PIBF1: variants seen among roughly 807,000 people sequenced by gnomAD.
The protein encoded by PIBF1 is progesterone immunomodulatory binding factor 1.
Under a neutral mutation model 112.5 loss-of-function variants are expected in PIBF1, and 90 were observed. The observed-to-expected ratio is 0.80, with a 90% CI of 0.67 to 0.95. The LOEUF is 0.95. Ranked by LOEUF, PIBF1 falls within the 40% of genes least tolerant of loss-of-function variation. PIBF1 has a pLI of 0.00. For missense variants in PIBF1, 915 were observed against 852.3 expected (o/e 1.07, Z -0.92); for synonymous variants, 301 against 288.6 (o/e 1.04, Z -0.44).
Position 72,999,981 on chromosome 13 carries a change from TGTC to T in PIBF1, c.2223+988_2223+990del, listed in dbSNP as rs557336677. ...CTACTTGGGAGACAGGCAGGAGAAT[TGTC>T]GGTGCGATGGCACCACTGCATTCAC... is the stretch of plus-strand genomic sequence containing the variant. On this transcript the variant is annotated intron_variant, in intron 17 of 17. Coordinates refer to ENST00000326291, the MANE Select transcript of PIBF1 (RefSeq NM_006346.4). 9.5e-4 allele frequency among the ~76,000 whole-genome samples: 144 copies of T among 152,304 alleles called. 1 individual carries two copies. The highest frequency in any genetic ancestry group is 1.6e-3 in the Non-Finnish European group (109 of 68,032).
At chr13:72,808,101 T>C (rs1438434469) in intron 5 of PIBF1, among the ~76,000 whole-genome samples, 1 of 152,216 alleles carries the variant, frequency 6.6e-6, no homozygotes. Context: ...TCAGAGACTT[T>C]ACAAACAAAG....
At chr13:72,968,363 C>T (rs1376134989) in intron 15 of PIBF1, among the ~76,000 whole-genome samples, 5 of 151,356 alleles carry the variant, frequency 3.3e-5, no homozygotes, top group Non-Finnish European at 2.9e-5. Context: ...TGCAATGGCG[C>T]GATCTCGGCT....
At chr13:72,864,666 C>T (rs557545589) in intron 10 of PIBF1, among the ~76,000 whole-genome samples, 2 of 151,876 alleles carry the variant, frequency 1.3e-5, no homozygotes, top group South Asian at 2.1e-4. Flanking sequence ...CAAAAAAAGA[C>T]GTATGAAAAA....
chr13:72,815,201 T>A (rs1338068941), intron 5 of PIBF1, among the ~76,000 whole-genome samples: 3 of 152,230 alleles, frequency 2.0e-5, no homozygotes, highest in Non-Finnish European at 4.4e-5. Context: ...AAATGTTAAA[T>A]GAATTTTACC....
intron 17 of PIBF1, 31 bp downstream of exon 17, chr13:72,999,026 A>G (rs780292313): frequency 1.5e-6 from 2 of 1,356,158 alleles, no homozygotes; most frequent in Non-Finnish European, 2.1e-6. Flanking sequence ...TCATAATTTT[A>G]ATATTCCTGA....
At chr13:73,006,246 G>C (rs1254884203) in intron 17 of PIBF1, among the ~76,000 whole-genome samples, 1 of 152,032 alleles carries the variant, frequency 6.6e-6, no homozygotes, top group Non-Finnish European at 1.5e-5. Context: ...GTTGAATGTA[G>C]ACTCATCTCA....
chr13:72,949,605 C>T (rs991720762), intron 14 of PIBF1, among the ~76,000 whole-genome samples: 1 of 152,148 alleles, frequency 6.6e-6, no homozygotes, highest in South Asian at 2.1e-4. Context: ...GCGTGAGCCA[C>T]GGCACCCAGC....
At chr13:72,812,421 A>G (rs1052031975) in intron 5 of PIBF1, among the ~76,000 whole-genome samples, 2 of 152,088 alleles carry the variant, frequency 1.3e-5, no homozygotes, top group African/African-American at 4.8e-5. Context: ...AGCACCACAG[A>G]TCACAGTTTA....
intron 14 of PIBF1, among the ~76,000 whole-genome samples, chr13:72,955,572 A>G (rs1463293879): frequency 3.3e-5 from 5 of 152,098 alleles, no homozygotes; most frequent in South Asian, 2.1e-4. Flanking sequence ...TTTCAGAGCT[A>G]TTTGAAAATC....
chr13:73,010,251 A>G (rs1429702529), intron 17 of PIBF1, among the ~76,000 whole-genome samples: 4 of 80,866 alleles, frequency 4.9e-5, no homozygotes, highest in Non-Finnish European at 9.9e-5. Context: ...TTTTTTTTCT[A>G]AATTCTGTTC....
rs988342593 is a variant in PIBF1 at position 72,968,955 on chromosome 13, G to A, written c.1964+3551G>A. On this transcript the variant is annotated intron_variant, in intron 15 of 17. Coordinates refer to ENST00000326291, the MANE Select transcript of PIBF1 (RefSeq NM_006346.4). ...ACTCAGGAGGCTGAGGTGGGAGGAT[G>A]AGTTGAGCCTGGGAGGTGGAGGTTG... Among the ~76,000 whole-genome samples, 5 of 151,998 alleles carry A rather than the reference G, an allele frequency of 3.3e-5. No homozygotes were observed. The East Asian group carries it at 9.7e-4, about 30-fold the overall frequency.
chr13:72,824,203 G>C (rs2036695258), intron 6 of PIBF1, among the ~76,000 whole-genome samples: 1 of 143,982 alleles, frequency 6.9e-6, no homozygotes, highest in Non-Finnish European at 1.5e-5. Flanking sequence ...TTTTTAAGTA[G>C]AGACATGGTT....
intron 9 of PIBF1, among the ~76,000 whole-genome samples, chr13:72,846,531 T>A (rs1232915413): frequency 6.6e-6 from 1 of 152,194 alleles, no homozygotes; most frequent in Non-Finnish European, 1.5e-5. Context: ...AGTAAAACTT[T>A]AAATGATTAC....
At chr13:72,816,648 G>A (rs1203562393) in intron 5 of PIBF1, among the ~76,000 whole-genome samples, 5 of 146,542 alleles carry the variant, frequency 3.4e-5, no homozygotes, top group African/African-American at 1.0e-4. Flanking sequence ...GCAACAGAGT[G>A]AGACCCTGTC....
intron 12 of PIBF1, among the ~76,000 whole-genome samples, chr13:72,915,803 A>G (rs775015297): frequency 4.6e-5 from 7 of 152,204 alleles, no homozygotes; most frequent in Non-Finnish European, 7.3e-5. Context: ...GAAAACAGTT[A>G]ATAAATGTTT....
chr13:72,931,991 G>T (rs1323929697), intron 14 of PIBF1, among the ~76,000 whole-genome samples: 2 of 142,290 alleles, frequency 1.4e-5, no homozygotes, highest in African/African-American at 5.2e-5. Flanking sequence ...GCCCAGACTG[G>T]AGTGCAGTGG....
chr13:73,003,451 C>T (rs2043937927), intron 17 of PIBF1, among the ~76,000 whole-genome samples: 2 of 152,030 alleles, frequency 1.3e-5, no homozygotes, highest in Non-Finnish European at 2.9e-5. Context: ...GACGGGGTTT[C>T]ACCATGTTGG....
Position 72,786,866 on chromosome 13 carries a change from G to A in PIBF1, c.252+3145G>A, listed in dbSNP as rs147089460. ...TCAAATATATGAAGAAATACCTATT[G>A]TAGAGTTAGCCTTCCATAATTTATT... On this transcript the variant is annotated intron_variant, in intron 2 of 17. Transcript: ENST00000326291. Among the ~76,000 whole-genome samples the A allele has an allele frequency of 8.6e-3, 1,312 of 152,218 alleles. 66 individuals are homozygous for A. The highest frequency in any genetic ancestry group is 9.4e-3 in the East Asian group (49 of 5,186).
intron 9 of PIBF1, among the ~76,000 whole-genome samples, chr13:72,849,569 T>C (rs1349053587): frequency 1.3e-5 from 2 of 152,246 alleles, no homozygotes; most frequent in East Asian, 3.8e-4. Context: ...TGAAAGAGCA[T>C]GTTATATACT....
Sources: gnomAD v4.1 joint callset for allele counts (sites outside exome capture counted in the v4.1 genomes callset) on GRCh38, gnomAD v4.1.1 for gene constraint, MANE v1.5 for transcripts, NCBI Gene and HGNC (gene_info 2026-07-23, HGNC 2026-07-21) for gene names.